Variants in INO80 observed in about 807,000 individuals in gnomAD.
INO80 encodes chromatin-remodeling ATPase INO80.
INO80 carries 20 observed loss-of-function variants against 203.4 expected under a neutral mutation model. That is an observed-to-expected ratio of 0.10 (90% CI 0.07 to 0.14). The LOEUF is 0.14. Ranked by LOEUF, INO80 falls within the 10% of genes least tolerant of loss-of-function variation. The probability of loss-of-function intolerance (pLI) is 1.00; values close to 1 mark genes in which losing one functional copy is unlikely to be tolerated. For synonymous variants in INO80, 726 were observed against 685.2 expected (o/e 1.06, Z -0.93); for missense variants, 1,419 against 1,914.4 (o/e 0.74, Z 4.83).
chr15:40,993,023 G>T (rs2043835895), intron 29 of INO80, among the ~76,000 whole-genome samples: 1 of 152,174 alleles, frequency 6.6e-6, no homozygotes, highest in South Asian at 2.1e-4. Flanking sequence ...TCAAACATCT[G>T]CCCTCAAGCA....
At chr15:40,988,026 T>A (rs1483468849) in intron 29 of INO80, 52 bp from the exon 30 acceptor site, 1 of 1,509,764 alleles carries the variant, frequency 6.6e-7, no homozygotes, top group Non-Finnish European at 9.1e-7. Context: ...GACCAGAAAT[T>A]CTGAGAGCAA....
Position 41,058,620 on chromosome 15 carries a change from T to G in INO80, c.1985+19A>C. The G allele has an allele frequency of 6.2e-7, 1 of 1,609,884 alleles. No homozygotes were observed. The highest frequency in any genetic ancestry group is 8.5e-7 in the Non-Finnish European group (1 of 1,177,560). ...ACTTAACCCAATGCATTGAGTTTGG[T>G]TTCTACTACTCATGTTACCTGGAAC... On this transcript the variant is annotated intron_variant, in intron 16 of 35. Transcript: ENST00000648947.
At chr15:41,096,398 T>A in intron 1 of INO80, 45 bp from the exon 2 acceptor site, 1 of 1,327,474 alleles carries the variant, frequency 7.5e-7, no homozygotes, top group Non-Finnish European at 1.0e-6. Flanking sequence ...TACTATCCAT[T>A]CTCCCTTTCT....
intron 23 of INO80, 57 bp downstream of exon 23, chr15:41,047,351 T>C (rs1386861438): frequency 1.1e-5 from 11 of 1,003,124 alleles, no homozygotes; most frequent in Non-Finnish European, 1.6e-5. Flanking sequence ...CAGTATTCAA[T>C]ATCTATCCCA....
intron 1 of INO80, among the ~76,000 whole-genome samples, chr15:41,107,475 C>T (rs547817971): frequency 5.9e-5 from 9 of 151,556 alleles, no homozygotes; most frequent in African/African-American, 2.2e-4. Flanking sequence ...CACTCCAGCC[C>T]AGGTGACAGA....
rs763772160 is a variant in INO80, at chr15:41,095,558, T to C, written c.381+43A>G. On this transcript the variant is annotated intron_variant, in intron 4 of 35. Transcript: ENST00000648947. ...TAACTTTCCCATCTATTAGTAACTT[T>C]AGTAGACTATCTGCACTGTAAACAC... The C allele has an allele frequency of 3.6e-6, 5 of 1,381,244 alleles. No individual in the cohort carries two copies. The Admixed American group carries it at 5.6e-5, about 16-fold the overall frequency. 85.6% of individuals were successfully genotyped at this position (1,381,244 alleles called of 1,614,324 possible). A position where few individuals can be genotyped will look rare whatever the true frequency, so the allele number is the denominator to read the frequency against.
At chr15:40,987,274 C>A in intron 30 of INO80, 81 bp from the exon 31 acceptor site, 2 of 821,104 alleles carry the variant, frequency 2.4e-6, no homozygotes, top group South Asian at 1.5e-5. Context: ...ACACATCGTT[C>A]TCAACCCACT....
Position 40,987,142 on chromosome 15 carries a change from G to A in INO80, c.3781C>T (p.Pro1261Ser). 6.2e-7 allele frequency: 1 copy of A among 1,613,800 alleles called. No individual in the cohort carries two copies. Among genetic ancestry groups the A allele is most frequent in the Non-Finnish European group, 8.5e-7 (1 of 1,179,760 alleles). Residue 1261 changes from proline (P) to serine (S), a missense_variant, in exon 31 of 36, where the codon CCC becomes TCC. This residue lies in a region of INO80 where 65 missense variants were observed against 186.7 expected (regional missense o/e 0.35). Coordinates refer to ENST00000648947, the MANE Select transcript of INO80 (RefSeq NM_017553.3). ...AGAAGAAGACTAACCACCTCTTTGG[G>A]TTTCAAGGTATCTGGTTTGAAGTTC... ...GGNFKPDTLK[P>S]KEVVSLLLDD... is the part of the protein sequence containing the mutation.
In INO80 at chr15:40,982,805, A is replaced by T. The variant is rs1893879072; in HGVS notation, c.4453+57T>A. 4.2e-6 allele frequency: 6 copies of T among 1,415,062 alleles called. No individual in the cohort carries two copies. The Admixed American group carries it at 5.7e-5, about 14-fold the overall frequency. The allele number at this position is 1,415,062 out of a possible 1,614,324, so 87.7% of individuals were successfully genotyped here. A position where few individuals can be genotyped will look rare whatever the true frequency, so the allele number is the denominator to read the frequency against. On this transcript the variant is annotated intron_variant, in intron 35 of 35. Coordinates refer to ENST00000648947, the MANE Select transcript of INO80 (RefSeq NM_017553.3). ...CCTACATGTTCTACCTGACTGACAG[A>T]ATTTCTAGACTGTCTCTGACCAGAA...
intron 34 of INO80, chr15:40,983,300 TCATTCTGAAGAGCAGTTA>T (rs1178112679): frequency 1.8e-6 from 1 of 545,744 alleles, no homozygotes; most frequent in African/African-American, 1.9e-5. Context: ...AAGCTGCTTT[TCATTCTGAAGAGCAGTTA>T]CATTACTCCT....
intron 14 of INO80, among the ~76,000 whole-genome samples, chr15:41,064,538 G>A (rs1293214038): frequency 6.6e-6 from 1 of 152,016 alleles, no homozygotes; most frequent in Admixed American, 6.6e-5. Context: ...AAATGAACTT[G>A]CAATGGAAGT....
intron 1 of INO80, among the ~76,000 whole-genome samples, chr15:41,106,441 G>C (rs987781613): frequency 6.7e-6 from 1 of 149,692 alleles, no homozygotes; most frequent in Non-Finnish European, 1.5e-5. Flanking sequence ...GTGCATAGTG[G>C]CACACAGTTA....
chr15:41,032,423 A>AAT (rs1381594526), intron 24 of INO80, among the ~76,000 whole-genome samples: 1 of 152,198 alleles, frequency 6.6e-6, no homozygotes, highest in African/African-American at 2.4e-5. Context: ...AGAGAAACAC[A>AAT]ATAGTTTCCC....
At chr15:41,074,985 C>T (rs2045381428) in intron 9 of INO80, among the ~76,000 whole-genome samples, 1 of 152,292 alleles carries the variant, frequency 6.6e-6, no homozygotes, top group South Asian at 2.1e-4. Flanking sequence ...GATCCACTGG[C>T]TTCAGCATCC....
chr15:41,115,076 G>A (rs2046010816), intron 1 of INO80, among the ~76,000 whole-genome samples: 2 of 152,184 alleles, frequency 1.3e-5, no homozygotes, highest in African/African-American at 4.8e-5. Context: ...CCACTGAAAA[G>A]CCACAATAAT....
chr15:41,049,288 T>C lies in INO80; in HGVS notation c.2575A>G (p.Arg859Gly), dbSNP rs777984557. 1 of 1,611,614 alleles carries C rather than the reference T, an allele frequency of 6.2e-7. No individual in the cohort carries two copies. The highest frequency in any genetic ancestry group is 2.2e-5 in the East Asian group (1 of 44,780). Residue 859 changes from arginine to glycine, a missense_variant and splice_region_variant, in exon 21 of 36, where the codon AGG (arginine) becomes GGG (glycine). Physicochemically the swap from Arg to Gly is moderately radical, Grantham distance 125. This residue lies in a region of INO80 where 302 missense variants were observed against 345.4 expected (regional missense o/e 0.87). Transcript: ENST00000648947. ...GAACAGATAGTAATACTTCCCTACC[T>C]GTCTCGTGAATGATTGAAGACCCTG... ...QIRVFNHSRD[R>G]WLRVLSPFAP...
intron 28 of INO80, among the ~76,000 whole-genome samples, chr15:40,998,016 CTTTTTTTTTTTTT>C (rs10572892): frequency 4.0e-5 from 3 of 75,178 alleles, no homozygotes; most frequent in Admixed American, 3.2e-4. Flanking sequence ...CCAAAACACT[CTTTTTTTTTTTTT>C]TTTTTTTTTT....
intron 4 of INO80, 91 bp downstream of exon 4, chr15:41,095,510 G>T: frequency 1.1e-6 from 1 of 890,568 alleles, no homozygotes; most frequent in Non-Finnish European, 1.8e-6. Context: ...GAAAAACTCT[G>T]TCAATCTGCC....
At chr15:40,999,989 C>T (rs558234125) in intron 28 of INO80, among the ~76,000 whole-genome samples, 1 of 152,228 alleles carries the variant, frequency 6.6e-6, no homozygotes, top group South Asian at 2.1e-4. Flanking sequence ...ACCCAGCTAC[C>T]TGGGAGGCTG....
Sources: gnomAD v4.1 joint callset for allele counts (sites outside exome capture counted in the v4.1 genomes callset) on GRCh38, gnomAD v4.1.1 for gene constraint, gnomAD v4.1.1 regional missense constraint, MANE v1.5 for transcripts, NCBI Gene and HGNC (gene_info 2026-07-23, HGNC 2026-07-21) for gene names.